CIITA: variants seen among roughly 807,000 people sequenced by gnomAD.
CIITA encodes the protein class II major histocompatibility complex transactivator, also known as MHC class II transactivator.
In CIITA, 72 loss-of-function variants were observed where a neutral mutation model predicts 115.1. The observed-to-expected ratio is 0.63, with a 90% CI of 0.52 to 0.76. CIITA has a LOEUF of 0.76. Among genes scored for constraint, CIITA ranks in the 30% least tolerant of loss-of-function variants. The pLI is 0.00. For synonymous variants in CIITA, 763 were observed against 635.6 expected, an observed-to-expected ratio of 1.20 and a Z score of -3.02; for missense variants, 1,617 against 1,463.8, an observed-to-expected ratio of 1.10 and a Z score of -1.71.
At position 10,923,384 on chromosome 16, in the gene CIITA, G is replaced by A. The variant is rs28402746; in HGVS notation, c.*22+59G>A. The A allele has an allele frequency of 1.3e-3, 1,758 of 1,366,088 alleles. 20 individuals carry two copies. The African/African-American group carries it at 0.022, about 17-fold the overall frequency. The allele number at this position is 1,366,088 out of a possible 1,614,324, so 84.6% of individuals were successfully genotyped here. ...AGTGGGTTGGGGGCAGTGTCCTTGT[G>A]AAGGTGGCATTCAAAAAATGTGGGC... On this transcript the variant is annotated intron_variant, in intron 19 of 19. Transcript: ENST00000324288. The surrounding 1 kb of genome is among the most constrained non-coding windows in gnomAD (Gnocchi z 5.2).
At position 10,868,371 on chromosome 16, in the gene CIITA, A is replaced by T. The variant is rs528395073; in HGVS notation, c.-21+2052A>T. On this transcript the variant is annotated intron_variant, in intron 1 of 5. Coordinates refer to the CIITA transcript ENST00000636238. ...ACTTAGCCTTCAGGGCATCAAATGC[A>T]TTTTGGCGGCCTTATCTTGGGCACC... is the stretch of plus-strand genomic sequence containing the variant. Among the ~76,000 whole-genome samples the T allele has an allele frequency of 1.4e-4, 22 of 152,296 alleles. 1 individual carries two copies. The South Asian group carries it at 2.5e-3, about 17-fold the overall frequency.
intron 13 of CIITA, among the ~76,000 whole-genome samples, chr16:10,915,231 G>C (rs1038342567): frequency 1.3e-5 from 2 of 151,728 alleles, no homozygotes; most frequent in African/African-American, 2.4e-5. Context: ...TGTGTTTTTT[G>C]TAGAGACTGA....
intron 1 of CIITA, among the ~76,000 whole-genome samples, chr16:10,892,299 G>C (rs2037674641): frequency 6.6e-6 from 1 of 152,034 alleles, no homozygotes; most frequent in Admixed American, 6.5e-5. Context: ...ACTCCAGCCT[G>C]GGCGACAGAG....
intron 1 of CIITA, among the ~76,000 whole-genome samples, chr16:10,871,562 T>C (rs1254331061): frequency 1.3e-5 from 2 of 152,184 alleles, no homozygotes; most frequent in Admixed American, 1.3e-4. Context: ...TCGCCTGATT[T>C]ATTGGAAAGG....
chr16:10,887,379 A>C (rs2037063308), intron 1 of CIITA, among the ~76,000 whole-genome samples: 1 of 152,212 alleles, frequency 6.6e-6, no homozygotes, highest in Admixed American at 6.5e-5. Context: ...TGTACTCAGG[A>C]TCAAAGGCAG....
chr16:10,917,757 G>A (rs1053049495), intron 15 of CIITA, among the ~76,000 whole-genome samples: 1 of 152,132 alleles, frequency 6.6e-6, no homozygotes, highest in African/African-American at 2.4e-5. Flanking sequence ...TGGGATTACC[G>A]GCATGAGCCA....
intron 1 of CIITA, among the ~76,000 whole-genome samples, chr16:10,883,923 G>A (rs753400625): frequency 1.4e-4 from 21 of 152,184 alleles, no homozygotes; most frequent in Non-Finnish European, 2.8e-4. Context: ...CTCCCATACA[G>A]GCATAGCCTC....
chr16:10,921,284 C>T (rs995481735), intron 16 of CIITA, among the ~76,000 whole-genome samples: 1 of 152,234 alleles, frequency 6.6e-6, no homozygotes, highest in African/African-American at 2.4e-5. Context: ...GTCGAGTAAA[C>T]AGCTGAAGTT....
rs777518350 is a variant in CIITA, at chr16:10,901,854, A to G, written c.482-184A>G. 1 of 880,722 alleles carries G rather than the reference A, an allele frequency of 1.1e-6. No homozygotes were observed. The highest frequency in any genetic ancestry group is 1.8e-6 in the Non-Finnish European group (1 of 550,836). The allele number at this position is 880,722 out of a possible 1,614,324, so 54.6% of individuals were successfully genotyped here. A position where few individuals can be genotyped will look rare whatever the true frequency, so the allele number is the denominator to read the frequency against. On this transcript the variant is annotated intron_variant, in intron 6 of 19. Coordinates refer to ENST00000324288, the MANE Select transcript of CIITA (RefSeq NM_000246.4). The surrounding 1 kb of genome is among the most constrained non-coding windows in gnomAD (Gnocchi z 6.8). The stretch of plus-strand genomic sequence containing the variant: ...AGCATAGCTCTCAGAGCCAAGTCAC[A>G]AGGAGAGGACTGGGGGACTGCCTGG...
At chr16:10,892,828 G>T (rs1309187725) in intron 1 of CIITA, among the ~76,000 whole-genome samples, 1 of 152,150 alleles carries the variant, frequency 6.6e-6, no homozygotes, top group Non-Finnish European at 1.5e-5. Context: ...AGCTACTCAG[G>T]AGACTGGGGC....
In CIITA at chr16:10,907,209, C is replaced by T. The variant is rs2144718631; in HGVS notation, c.1717C>T (p.Gln573Ter). ...TGAGCTGTCCGGCTTCTCCATGGAG[C>T]AGGCCCAGGCATACGTGATGCGCTA... Reference protein sequence around the residue: ...LFELSGFSMEQAQAYVMRYFE... With the variant: ...LFELSGFSME Residue 573 changes from glutamine to a stop codon, truncating the protein, a stop_gained, in exon 11 of 20, where the codon CAG becomes TAG. Coordinates refer to ENST00000324288, the MANE Select transcript of CIITA (RefSeq NM_000246.4). LOFTEE classifies it high-confidence loss of function. This position sits in a 1 kb window ranked among gnomAD's most constrained non-coding sequence, Gnocchi z 5.0. 1 of 1,613,478 alleles carries T rather than the reference C, an allele frequency of 6.2e-7. No individual in the cohort carries two copies. Among genetic ancestry groups the T allele is most frequent in the Non-Finnish European group, 8.5e-7 (1 of 1,179,980 alleles).
At chr16:10,922,615 T>G (rs2040335421) in intron 18 of CIITA, 125 bp downstream of exon 18, 2 of 921,060 alleles carry the variant, frequency 2.2e-6, no homozygotes, top group East Asian at 5.2e-5. Context: ...GAGCAGACAC[T>G]TCCCCCTCTG....
chr16:10,891,142 G>A (rs569510090), intron 1 of CIITA, among the ~76,000 whole-genome samples: 2 of 152,094 alleles, frequency 1.3e-5, no homozygotes, highest in Non-Finnish European at 2.9e-5. Context: ...TCCTCCCTGC[G>A]GTCCCTCCCA....
Position 10,922,476 on chromosome 16 carries a change from T to G in CIITA, c.3303T>G (p.His1101Gln). The G allele has an allele frequency of 6.2e-7, 1 of 1,614,038 alleles. No individual in the cohort carries two copies. Among genetic ancestry groups the G allele is most frequent in the Non-Finnish European group, 8.5e-7 (1 of 1,179,918 alleles). ...CTGCCAGCCTTCGGAGGTGTCCTCA[T>G]GTGGAGACGCTGGCGTAAGTCCAGG... ...QLAASLRRCP[H>Q]VETLAMWTPT... is the part of the protein sequence containing the mutation. Residue 1101 changes from histidine to glutamine, a missense_variant, in exon 18 of 20, where the codon CAT becomes CAG. Coordinates refer to ENST00000324288, the MANE Select transcript of CIITA (RefSeq NM_000246.4).
rs1265575114 is a variant in CIITA at position 10,916,396 on chromosome 16, G to A, written c.2999G>A (p.Gly1000Glu). 1 of 1,613,908 alleles carries A rather than the reference G, an allele frequency of 6.2e-7. No homozygotes were observed. The highest frequency in any genetic ancestry group is 1.1e-5 in the South Asian group (1 of 91,016). ...GATGCGCTGAGTGAGAACAAGATCG[G>A]GGACGAGGGTGTCTCGCAGCTCTCA... ...DLDALSENKI[G>E]DEGVSQLSAT... The change falls in exon 15 of 20, where the codon GGG (glycine) becomes GAG (glutamate). Residue 1000 changes from glycine (G) to glutamate (E), a missense_variant. By Grantham distance (98) the Gly-to-Glu change is moderately conservative. Transcript: ENST00000324288.
At chr16:10,893,642 C>G (rs2037814834) in intron 1 of CIITA, among the ~76,000 whole-genome samples, 1 of 151,610 alleles carries the variant, frequency 6.6e-6, no homozygotes, top group Non-Finnish European at 1.5e-5. Flanking sequence ...AACACTGTCT[C>G]TACTAAAAAT....
Position 10,915,664 on chromosome 16 carries a change from CTGGG to C in CIITA, c.2969+15_2969+18del. ...GCAGCATCTGGAGTGAGTATAGACT[CTGGG>C]ACCCCTTCCTCTCAACATCTGGGTG... On this transcript the variant is annotated intron_variant, in intron 14 of 19. Transcript: ENST00000324288. 6.2e-7 allele frequency: 1 copy of C among 1,606,748 alleles called. No individual in the cohort carries two copies.
At chr16:10,894,948 A>G (rs1441518662) in intron 1 of CIITA, among the ~76,000 whole-genome samples, 2 of 152,202 alleles carry the variant, frequency 1.3e-5, no homozygotes, top group Admixed American at 1.3e-4. Context: ...CCTGGCGTAT[A>G]GGAGGTGCTT....
chr16:10,902,721 C>T lies in CIITA; in HGVS notation c.692C>T (p.Pro231Leu), dbSNP rs918575509. 1.9e-6 allele frequency: 3 copies of T among 1,614,228 alleles called. No homozygotes were observed. Among genetic ancestry groups the T allele is most frequent in the Admixed American group, 1.7e-5 (1 of 60,030 alleles). Residue 231 changes from proline to leucine, a missense_variant, in exon 8 of 20, where the codon CCC becomes CTC. Physicochemically the swap from Pro to Leu is moderately conservative, Grantham distance 98. Coordinates refer to ENST00000324288, the MANE Select transcript of CIITA (RefSeq NM_000246.4). ...NLPEGPIQFV[P>L]TISTLPHGLW... Reference sequence around the variant, plus strand: ...CCTGAGGGACCCATCCAGTTTGTCCCCACCATCTCCACTCTGCCCCATGGG... The same window carrying T: ...CCTGAGGGACCCATCCAGTTTGTCCTCACCATCTCCACTCTGCCCCATGGG...
Sources: gnomAD v4.1 joint callset for allele counts (sites outside exome capture counted in the v4.1 genomes callset) on GRCh38, gnomAD v4.1.1 for gene constraint, Gnocchi (gnomAD v3.1) non-coding constraint, MANE v1.5 for transcripts, NCBI Gene and HGNC (gene_info 2026-07-23, HGNC 2026-07-21) for gene names.